Variants in ALDH2 observed in about 807,000 individuals in gnomAD.
ALDH2 encodes aldehyde dehydrogenase 2 family member.
ALDH2 carries 44 observed loss-of-function variants against 59.6 expected under a neutral mutation model. The observed-to-expected ratio is 0.74, with a 90% CI of 0.58 to 0.95. The LOEUF is 0.95. Among genes scored for constraint, ALDH2 ranks in the 40% least tolerant of loss-of-function variants. ALDH2 has a pLI of 0.00. For synonymous variants in ALDH2, 291 were observed against 284.0 expected, an observed-to-expected ratio of 1.02 and a Z score of -0.25; for missense variants, 570 against 696.3, an observed-to-expected ratio of 0.82 and a Z score of 2.04.
chr12:111,775,059 G>T (rs140984356), intron 1 of ALDH2, among the ~76,000 whole-genome samples: 1 of 152,222 alleles, frequency 6.6e-6, no homozygotes, highest in Non-Finnish European at 1.5e-5. Context: ...TGGCCTGACC[G>T]TGTTGAGGAA....
chr12:111,782,034 T>C lies in ALDH2; in HGVS notation c.219+12T>C, dbSNP rs999327409. On this transcript the variant is annotated intron_variant, in intron 2 of 12. Transcript: ENST00000261733. ...CTGAAGGGGACAAGGTGAGAACTGG[T>C]GACTTACCTTGGGGGAGGGATGGAT... 5.0e-6 allele frequency: 8 copies of C among 1,594,280 alleles called. No homozygotes were observed. Among genetic ancestry groups the C allele is most frequent in the Non-Finnish European group, 6.9e-6 (8 of 1,162,094 alleles).
At chr12:111,798,462 C>T (rs1459881259) in intron 10 of ALDH2, among the ~76,000 whole-genome samples, 2 of 152,138 alleles carry the variant, frequency 1.3e-5, no homozygotes, top group African/African-American at 4.8e-5. Flanking sequence ...CTGCATTCCT[C>T]AGCATGGCCT....
chr12:111,803,844 C>A lies in ALDH2; in HGVS notation c.1407-15C>A. On this transcript the variant is annotated splice_polypyrimidine_tract_variant and intron_variant, in intron 11 of 12. Transcript: ENST00000261733. Reference sequence around the variant, plus strand: ...CCCCCAAGAGTGATTTCTGCAATCTCGTTTCAAATTACAGGGTCAACTGCT... The same window carrying A: ...CCCCCAAGAGTGATTTCTGCAATCTAGTTTCAAATTACAGGGTCAACTGCT... 1 of 1,585,264 alleles carries A rather than the reference C, an allele frequency of 6.3e-7. No homozygotes were observed. The highest frequency in any genetic ancestry group is 8.6e-7 in the Non-Finnish European group (1 of 1,159,666).
At chr12:111,782,661 G>C (rs573448138) in intron 2 of ALDH2, among the ~76,000 whole-genome samples, 116 of 152,326 alleles carry the variant, frequency 7.6e-4, no homozygotes, top group African/African-American at 2.7e-3. Flanking sequence ...AAGGTGGGCA[G>C]ATCATGAGGT....
At chr12:111,780,232 C>T (rs2068262296) in intron 1 of ALDH2, among the ~76,000 whole-genome samples, 1 of 152,154 alleles carries the variant, frequency 6.6e-6, no homozygotes, top group African/African-American at 2.4e-5. Context: ...AGTAAGGACC[C>T]TTCCTCTGAG....
chr12:111,770,418 A>C (rs1405916674), intron 1 of ALDH2, among the ~76,000 whole-genome samples: 1 of 152,010 alleles, frequency 6.6e-6, no homozygotes, highest in African/African-American at 2.4e-5. Context: ...GTAGAATGGG[A>C]GTTTGGGGTG....
At chr12:111,809,398 G>A in intron 12 of ALDH2, 145 bp from the exon 13 acceptor site, 1 of 799,686 alleles carries the variant, frequency 1.3e-6, no homozygotes, top group Non-Finnish European at 2.0e-6. Context: ...AGGCAGTAGT[G>A]AGCTGTAATT....
At position 111,805,506 on chromosome 12, in the gene ALDH2, G is replaced by A. The variant is rs1457030291; in HGVS notation, c.1521+1533G>A. Among the ~76,000 whole-genome samples, 3 of 152,122 alleles carry A rather than the reference G, an allele frequency of 2.0e-5. No homozygotes were observed. In the East Asian group the frequency reaches 5.8e-4, roughly 29 times the overall value. ...TTCCTGACTAATTTTTGTATTTCTT[G>A]TAGAGATGGGGTCTCACTATGTTAC... On this transcript the variant is annotated intron_variant, in intron 12 of 12. Transcript: ENST00000261733.
intron 12 of ALDH2, 44 bp from the exon 13 acceptor site, chr12:111,809,498 AC>A: frequency 1.2e-6 from 2 of 1,612,610 alleles, no homozygotes; most frequent in Middle Eastern, 1.7e-4. Flanking sequence ...CCTACAGATC[AC>A]AGGGAAGCAG....
intron 1 of ALDH2, among the ~76,000 whole-genome samples, chr12:111,777,546 CA>C (rs2068242003): frequency 6.6e-6 from 1 of 152,162 alleles, no homozygotes. Flanking sequence ...GCCTGTGCTA[CA>C]GGGGGAAGGA....
rs1337731868 is a variant in ALDH2 at position 111,770,213 on chromosome 12, G to C, written c.114+3117G>C. Among the ~76,000 whole-genome samples the C allele has an allele frequency of 4.6e-5, 7 of 152,286 alleles. No individual in the cohort carries two copies. The East Asian group carries it at 1.4e-3, about 29-fold the overall frequency. On this transcript the variant is annotated intron_variant, in intron 1 of 12. Coordinates refer to ENST00000261733, the MANE Select transcript of ALDH2 (RefSeq NM_000690.4). ...CGAATTGCTGTGAGGACCAAATGGG[G>C]TGAGGCTTCTGCAGCCACAGGCAGT...
At chr12:111,780,966 A>C (rs1469603196) in intron 1 of ALDH2, among the ~76,000 whole-genome samples, 3 of 152,170 alleles carry the variant, frequency 2.0e-5, no homozygotes, top group African/African-American at 7.2e-5. Context: ...AAAATTAGCC[A>C]GGCGTAGTGG....
At position 111,783,060 on chromosome 12, in the gene ALDH2, A is replaced by ATGC. The variant is rs1435609026; in HGVS notation, c.220-95_220-93dup. 1.8e-5 allele frequency: 27 copies of ATGC among 1,478,790 alleles called. No homozygotes were observed. The Admixed American group carries it at 5.3e-4, about 29-fold the overall frequency. 91.6% of individuals were successfully genotyped at this position (1,478,790 alleles called of 1,614,324 possible). A position where few individuals can be genotyped will look rare whatever the true frequency, so the allele number is the denominator to read the frequency against. ...CGGGGCAGGTTTTCTGTGCAGCGAT[A>ATGC]TGCTGATGACCTTCTGGATGTGTTT... is the stretch of plus-strand genomic sequence containing the variant. On this transcript the variant is annotated intron_variant, in intron 2 of 12. Coordinates refer to ENST00000261733, the MANE Select transcript of ALDH2 (RefSeq NM_000690.4).
chr12:111,802,796 C>T (rs1489225179), intron 11 of ALDH2, among the ~76,000 whole-genome samples: 3 of 149,532 alleles, frequency 2.0e-5, no homozygotes. Flanking sequence ...AGGAGAATGG[C>T]GTGAACCTGG....
At chr12:111,772,151 TAAAAGAA>T (rs1049454522) in intron 1 of ALDH2, among the ~76,000 whole-genome samples, 1 of 151,990 alleles carries the variant, frequency 6.6e-6, no homozygotes, top group Non-Finnish European at 1.5e-5. Context: ...GAGCAGATAT[TAAAAGAA>T]AAAAGAAAAA....
rs139133423 is a variant in ALDH2 at position 111,792,094 on chromosome 12, A to T, written c.829A>T (p.Ser277Cys). ...CGTAATCCAGGTTGCTGCTGGGAGC[A>T]GCAACCTCAAGAGAGTGACCTTGGA... is the stretch of plus-strand genomic sequence containing the variant. ...GRVIQVAAGS[S>C]NLKRVTLELG... The change falls in exon 8 of 13, where the codon AGC (serine) becomes TGC (cysteine). Residue 277 changes from serine to cysteine, a missense_variant. Coordinates refer to ENST00000261733, the MANE Select transcript of ALDH2 (RefSeq NM_000690.4). 1 of 1,611,076 alleles carries T rather than the reference A, an allele frequency of 6.2e-7. No homozygotes were observed.
intron 1 of ALDH2, among the ~76,000 whole-genome samples, chr12:111,777,883 A>C (rs1218681939): frequency 6.6e-6 from 1 of 152,138 alleles, no homozygotes; most frequent in African/African-American, 2.4e-5. Flanking sequence ...TGACTAACTA[A>C]TATGAAACCA....
chr12:111,773,687 C>T (rs369769598), intron 1 of ALDH2, among the ~76,000 whole-genome samples: 1 of 152,078 alleles, frequency 6.6e-6, no homozygotes, highest in African/African-American at 2.4e-5. Context: ...GTGAACTTGA[C>T]CTCCCTGAAT....
chr12:111,787,618 G>A (rs568959222), intron 4 of ALDH2, among the ~76,000 whole-genome samples: 37 of 152,164 alleles, frequency 2.4e-4, no homozygotes, highest in South Asian at 1.7e-3. Context: ...CAGTTGGGCC[G>A]GGCGCAGTGG....
Sources: allele counts gnomAD v4.1 joint callset (sites outside exome capture counted in the v4.1 genomes callset), GRCh38; gene constraint gnomAD v4.1.1; transcripts MANE v1.5; gene names NCBI Gene and HGNC (gene_info 2026-07-23, HGNC 2026-07-21).